Variants in SYCP2L observed in about 807,000 individuals in gnomAD.
The protein encoded by SYCP2L is synaptonemal complex protein 2 like, also known as synaptonemal complex protein 2-like.
Under a neutral mutation model 125.8 loss-of-function variants are expected in SYCP2L, and 98 were observed. The ratio of observed to expected loss-of-function variants is 0.78; its 90% confidence interval spans 0.66 to 0.92. The LOEUF (loss-of-function observed/expected upper bound fraction) is 0.92, where lower values mean the gene tolerates loss of function less well. SYCP2L is among the 40% of genes least tolerant of loss of function. SYCP2L has a pLI of 0.00. For missense variants in SYCP2L, 842 were observed against 936.4 expected, an observed-to-expected ratio of 0.90 and a Z score of 1.32; for synonymous variants, 317 against 325.4, an observed-to-expected ratio of 0.97 and a Z score of 0.28.
At chr6:10,918,230 C>T (rs527997136) in intron 14 of SYCP2L, among the ~76,000 whole-genome samples, 75 of 150,958 alleles carry the variant, frequency 5.0e-4, no homozygotes, top group Non-Finnish European at 8.9e-4. Context: ...GGAAAGAAAA[C>T]CTGATGACAA....
chr6:10,910,830 T>A lies in SYCP2L; in HGVS notation c.879T>A (p.Tyr293Ter). ...ATTGTGAGGTATTTTGCAGGGTGTA[T>A]TCATTTCCGTGTATTGCTGCTTTTG... Reference protein sequence around the residue: ...NNRLGDQRRVYSFPCIAAFAD... With the variant: ...NNRLGDQRRV The change falls in exon 12 of 30, where the codon TAT (tyrosine) becomes TAA (stop). Residue 293 changes from tyrosine (Y) to a stop codon, truncating the protein, a stop_gained. Coordinates refer to ENST00000283141, the MANE Select transcript of SYCP2L (RefSeq NM_001040274.3). LOFTEE classifies it high-confidence loss of function. The A allele has an allele frequency of 6.2e-7, 1 of 1,614,100 alleles. No individual in the cohort carries two copies. Among genetic ancestry groups the A allele is most frequent in the Non-Finnish European group, 8.5e-7 (1 of 1,179,992 alleles).
In SYCP2L at chr6:10,905,293, A is replaced by G. The variant is rs994772297; in HGVS notation, c.642-727A>G. Among the ~76,000 whole-genome samples the G allele has an allele frequency of 1.2e-4, 18 of 151,652 alleles. 1 individual carries two copies. Among genetic ancestry groups the G allele is most frequent in the Middle Eastern group, 3.4e-3 (1 of 292 alleles). ...ATTACATCTCTAAATTATTATTATT[A>G]TTACCATTTTTTTTTTGAGTCGGAG... is the stretch of plus-strand genomic sequence containing the variant. On this transcript the variant is annotated intron_variant, in intron 8 of 29. Transcript: ENST00000283141.
intron 29 of SYCP2L, among the ~76,000 whole-genome samples, chr6:10,964,230 T>C (rs887757071): frequency 6.6e-6 from 1 of 152,206 alleles, no homozygotes; most frequent in Non-Finnish European, 1.5e-5. Flanking sequence ...GTGCTGGGAT[T>C]ACAGGCGTGA....
chr6:10,963,309 G>A (rs1781623022), intron 28 of SYCP2L: 1 of 159,340 alleles, frequency 6.3e-6, no homozygotes, highest in South Asian at 1.8e-4. Flanking sequence ...CACGCTGAGT[G>A]CTTATGGGTG....
intron 23 of SYCP2L, 105 bp downstream of exon 23, chr6:10,942,851 A>G: frequency 5.8e-6 from 6 of 1,031,574 alleles, no homozygotes; most frequent in Non-Finnish European, 8.5e-6. Context: ...GTCACTTTGC[A>G]CAGTGACTAT....
chr6:10,892,262 A>C, intron 2 of SYCP2L, among the ~76,000 whole-genome samples: 1 of 152,184 alleles, frequency 6.6e-6, no homozygotes, highest in East Asian at 1.9e-4. Flanking sequence ...ACTAAAGCAA[A>C]GGATTTTGGG....
intron 29 of SYCP2L, among the ~76,000 whole-genome samples, chr6:10,969,982 T>C (rs530840402): frequency 2.0e-5 from 3 of 152,314 alleles, no homozygotes; most frequent in Admixed American, 2.0e-4. Context: ...CTGTCTTAGA[T>C]GCTGGGGTAG....
intron 20 of SYCP2L, among the ~76,000 whole-genome samples, chr6:10,931,749 G>T (rs1781000063): frequency 6.6e-6 from 1 of 152,174 alleles, no homozygotes; most frequent in Admixed American, 6.5e-5. Context: ...TGGATCACTT[G>T]AGTTTGGGAG....
chr6:10,924,777 A>G, intron 15 of SYCP2L, 136 bp downstream of exon 15: 1 of 804,760 alleles, frequency 1.2e-6, no homozygotes, highest in Non-Finnish European at 1.8e-6. Context: ...TGTAAAAAAG[A>G]GTTGAGAGTT....
chr6:10,888,748 A>T (rs1318837298), intron 1 of SYCP2L, among the ~76,000 whole-genome samples: 3 of 152,176 alleles, frequency 2.0e-5, no homozygotes, highest in Admixed American at 6.5e-5. Context: ...GGCTCCCGGG[A>T]ATATTTTCTT....
At chr6:10,948,741 G>GCT (rs1781359152) in intron 23 of SYCP2L, among the ~76,000 whole-genome samples, 1 of 152,086 alleles carries the variant, frequency 6.6e-6, no homozygotes, top group South Asian at 2.1e-4. Flanking sequence ...AAGCTGGGCA[G>GCT]CTCTCTCTCT....
intron 23 of SYCP2L, among the ~76,000 whole-genome samples, chr6:10,945,325 A>G (rs1412438375): frequency 6.6e-6 from 1 of 152,154 alleles, no homozygotes; most frequent in African/African-American, 2.4e-5. Flanking sequence ...TGTCCTTCAA[A>G]TCTTACATTC....
At chr6:10,961,955 C>T (rs1026028956) in intron 28 of SYCP2L, among the ~76,000 whole-genome samples, 6 of 152,074 alleles carry the variant, frequency 3.9e-5, no homozygotes, top group Non-Finnish European at 5.9e-5. Context: ...TACTCATTTA[C>T]ACATTTTTTA....
chr6:10,903,938 C>T (rs779216833), intron 8 of SYCP2L, among the ~76,000 whole-genome samples: 24 of 152,002 alleles, frequency 1.6e-4, no homozygotes, highest in East Asian at 3.9e-4. Flanking sequence ...AGAGTACAGA[C>T]GGTAGAGCCT....
chr6:10,891,635 G>GC, intron 2 of SYCP2L, 54 bp downstream of exon 2: 1 of 668,024 alleles, frequency 1.5e-6, no homozygotes, highest in South Asian at 1.8e-5. Context: ...GTGTGTGTGT[G>GC]TGTGTGTGTG....
At chr6:10,932,141 G>GT (rs1460080505) in intron 20 of SYCP2L, among the ~76,000 whole-genome samples, 1 of 151,882 alleles carries the variant, frequency 6.6e-6, no homozygotes, top group Non-Finnish European at 1.5e-5. Context: ...TCTTCCCTTA[G>GT]TTTTTTCTAA....
intron 2 of SYCP2L, among the ~76,000 whole-genome samples, chr6:10,892,807 C>T (rs894040357): frequency 1.3e-5 from 2 of 152,098 alleles, no homozygotes; most frequent in African/African-American, 4.8e-5. Context: ...AAAAAGAAAA[C>T]ATTCTGTTTA....
chr6:10,967,489 G>GTGTGTGTGTT, intron 29 of SYCP2L, among the ~76,000 whole-genome samples: 1 of 150,812 alleles, frequency 6.6e-6, no homozygotes, highest in Admixed American at 6.6e-5. Context: ...GTGTGTGTGT[G>GTGTGTGTGTT]TGTGTGTATT....
intron 9 of SYCP2L, among the ~76,000 whole-genome samples, chr6:10,906,675 G>A (rs1448676076): frequency 6.6e-6 from 1 of 150,664 alleles, no homozygotes; most frequent in Non-Finnish European, 1.5e-5. Context: ...TCGGCTCACT[G>A]CAGCCTCCGC....
Sources: allele counts gnomAD v4.1 joint callset (sites outside exome capture counted in the v4.1 genomes callset), GRCh38; gene constraint gnomAD v4.1.1; transcripts MANE v1.5; gene names NCBI Gene and HGNC (gene_info 2026-07-23, HGNC 2026-07-21).